The following MYH14 variants were observed in gnomAD, a reference collection of about 807,000 sequenced individuals.
MYH14 encodes myosin heavy chain 14.
MYH14 carries 123 observed loss-of-function variants against 255.5 expected under a neutral mutation model. That is an observed-to-expected ratio of 0.48 (90% CI 0.42 to 0.56). The LOEUF is 0.56. Among genes scored for constraint, MYH14 ranks in the 20% least tolerant of loss-of-function variants. The pLI, the probability that MYH14 is intolerant of heterozygous loss-of-function variation, is 0.00. For missense variants in MYH14, 2,423 were observed against 2,802.3 expected (o/e 0.86, Z 3.06); for synonymous variants, 1,095 against 1,161.2 (o/e 0.94, Z 1.16).
At position 50,286,468 on chromosome 19, in the gene MYH14, C is replaced by T; in HGVS notation, c.4540-14C>T. The T allele has an allele frequency of 6.2e-7, 1 of 1,608,552 alleles. No individual in the cohort carries two copies. Among genetic ancestry groups the T allele is most frequent in the Non-Finnish European group, 8.5e-7 (1 of 1,176,678 alleles). On this transcript the variant is annotated splice_polypyrimidine_tract_variant and intron_variant, in intron 33 of 42. Transcript: ENST00000642316. ...AATCTATTTCCCCCTACCCCATCTC[C>T]CTCAAACTGGAAGCTTCTGGCAGAG...
chr19:50,292,310 GGGA>G lies in MYH14; in HGVS notation c.5182_5184del (p.Glu1728del). 6.3e-7 allele frequency: 1 copy of G among 1,598,636 alleles called. No homozygotes were observed. Among genetic ancestry groups the G allele is most frequent in the Non-Finnish European group, 8.5e-7 (1 of 1,173,264 alleles). On this transcript the variant is annotated inframe_deletion, in exon 37 of 43. Coordinates refer to ENST00000642316, the MANE Select transcript of MYH14 (RefSeq NM_001145809.2). ...GAGGTGGAGGAGACACGCACCTCCC[GGGA>G]GGAGATCTTCTCCCAGAATCGGGAA...
intron 33 of MYH14, among the ~76,000 whole-genome samples, chr19:50,282,254 C>T (rs758154739): frequency 6.6e-6 from 1 of 152,196 alleles, no homozygotes; most frequent in Non-Finnish European, 1.5e-5. Context: ...TAATACCAAG[C>T]ATCTGGCAGC....
At chr19:50,209,835 T>C (rs1354145345) in intron 1 of MYH14, among the ~76,000 whole-genome samples, 1 of 141,486 alleles carries the variant, frequency 7.1e-6, no homozygotes, top group African/African-American at 2.6e-5. Flanking sequence ...TGGTAGCTCA[T>C]GCCTATAATC....
chr19:50,289,173 C>T (rs780016271), intron 34 of MYH14, among the ~76,000 whole-genome samples: 51 of 152,144 alleles, frequency 3.4e-4, no homozygotes, highest in Middle Eastern at 3.2e-3. Flanking sequence ...ACCTAACAGA[C>T]GCTTGTATTG....
chr19:50,230,728 C>A lies in MYH14; in HGVS notation c.973+105C>A. On this transcript the variant is annotated intron_variant, in intron 9 of 42. Transcript: ENST00000642316. This position sits in a 1 kb window ranked among gnomAD's most constrained non-coding sequence, Gnocchi z 4.7. ...AGCAAGAGTGGGGGGCTCTAATATC[C>A]GTCAAACACCGACTTCGCATGAGGC... 3 of 901,444 alleles carry A rather than the reference C, an allele frequency of 3.3e-6. No individual in the cohort carries two copies. The highest frequency in any genetic ancestry group is 5.1e-6 in the Non-Finnish European group (3 of 584,616). 55.8% of individuals were successfully genotyped at this position (901,444 alleles called of 1,614,324 possible). A position where few individuals can be genotyped will look rare whatever the true frequency, so the allele number is the denominator to read the frequency against.
intron 40 of MYH14, among the ~76,000 whole-genome samples, chr19:50,305,809 G>A (rs2036633604): frequency 6.6e-6 from 1 of 152,054 alleles, no homozygotes. Flanking sequence ...GCACACACCT[G>A]TAGTCCTAGC....
chr19:50,236,360 C>T (rs1339329069), intron 10 of MYH14, among the ~76,000 whole-genome samples: 1 of 151,184 alleles, frequency 6.6e-6, no homozygotes, highest in Non-Finnish European at 1.5e-5. Context: ...CGTGAATATC[C>T]TTGTAAACAG....
At chr19:50,218,485 C>A (rs1260171437) in intron 3 of MYH14, among the ~76,000 whole-genome samples, 1 of 151,830 alleles carries the variant, frequency 6.6e-6, no homozygotes, top group Non-Finnish European at 1.5e-5. Flanking sequence ...GTAGTCCCAG[C>A]TACTCGGGAG....
rs2033297766 is a variant in MYH14, at chr19:50,230,037, C to T, written c.875-488C>T. ...TCAAGCGATTCTCCTGCCTCAGCCT[C>T]CCAAGCAGCTGAGATTACAGGCACC... On this transcript the variant is annotated intron_variant, in intron 8 of 42. Coordinates refer to ENST00000642316, the MANE Select transcript of MYH14 (RefSeq NM_001145809.2). The surrounding 1 kb of genome is among the most constrained non-coding windows in gnomAD (Gnocchi z 4.7). 6.6e-6 allele frequency among the ~76,000 whole-genome samples: 1 copy of T among 152,152 alleles called. No homozygotes were observed. The highest frequency in any genetic ancestry group is 1.5e-5 in the Non-Finnish European group (1 of 68,026).
At chr19:50,300,148 G>A (rs925530713) in intron 39 of MYH14, among the ~76,000 whole-genome samples, 52 of 152,140 alleles carry the variant, frequency 3.4e-4, no homozygotes, top group African/African-American at 1.1e-3. Context: ...AGTAGTGCAT[G>A]AAAGGGCTTC....
chr19:50,260,728 G>C lies in MYH14; in HGVS notation c.2424+13G>C, dbSNP rs1367710897. 2 of 1,602,388 alleles carry C rather than the reference G, an allele frequency of 1.2e-6. No homozygotes were observed. Among genetic ancestry groups the C allele is most frequent in the Admixed American group, 3.4e-5 (2 of 58,528 alleles). ...CTGTGAAAAGATGGTGAGTGGGGCA[G>C]AGCCTGGAATGCGTGTGTGCGTGTG... is the stretch of plus-strand genomic sequence containing the variant. On this transcript the variant is annotated intron_variant, in intron 20 of 42. Coordinates refer to ENST00000642316, the MANE Select transcript of MYH14 (RefSeq NM_001145809.2).
At position 50,256,151 on chromosome 19, in the gene MYH14, C is replaced by T. The variant is rs372920846; in HGVS notation, c.2044+833C>T. Among the ~76,000 whole-genome samples, 13 of 151,922 alleles carry T rather than the reference C, an allele frequency of 8.6e-5. No individual in the cohort carries two copies. The South Asian group carries it at 1.9e-3, about 22-fold the overall frequency. ...AAAAATTGGTGGGCATGGTGGTGTGCGCCTGTAGTCCAAACTACTTGGGAG... is the reference window on the plus strand; with the variant it reads ...AAAAATTGGTGGGCATGGTGGTGTGTGCCTGTAGTCCAAACTACTTGGGAG... On this transcript the variant is annotated intron_variant, in intron 17 of 42. Coordinates refer to ENST00000642316, the MANE Select transcript of MYH14 (RefSeq NM_001145809.2).
In MYH14 at chr19:50,250,245, T is replaced by A. The variant is rs1363053711; in HGVS notation, c.1657-270T>A. 7.6e-6 allele frequency among the ~76,000 whole-genome samples: 1 copy of A among 132,076 alleles called. No homozygotes were observed. The highest frequency in any genetic ancestry group is 8.4e-5 in the Admixed American group (1 of 11,860). The allele number at this position is 132,076 out of a possible 152,430, so 86.6% of individuals were successfully genotyped here. A position where few individuals can be genotyped will look rare whatever the true frequency, so the allele number is the denominator to read the frequency against. ...CCTCCCGAGTAGCTGGGACTACAGG[T>A]GCCCGCCACCACGCCCGGCTAATTT... On this transcript the variant is annotated intron_variant, in intron 14 of 42. Transcript: ENST00000642316. The surrounding 1 kb of genome is among the most constrained non-coding windows in gnomAD (Gnocchi z 5.4).
At chr19:50,295,236 A>G (rs886579532) in intron 39 of MYH14, among the ~76,000 whole-genome samples, 2 of 151,830 alleles carry the variant, frequency 1.3e-5, no homozygotes, top group African/African-American at 4.8e-5. Flanking sequence ...GAGGCAGGAG[A>G]ATGGCATGAA....
At position 50,223,285 on chromosome 19, in the gene MYH14, A is replaced by C. The variant is rs1304387712; in HGVS notation, c.629A>C (p.Lys210Thr). The change falls in exon 5 of 43, where the codon AAG becomes ACG. Residue 210 changes from lysine to threonine, a missense_variant. Physicochemically the swap from Lys to Thr is moderately conservative, Grantham distance 78 (BLOSUM62 -1). Coordinates refer to ENST00000642316, the MANE Select transcript of MYH14 (RefSeq NM_001145809.2). ...SGAGKTENTK[K>T]VIQYLAHVAS... ...GCTGGGAAGACGGAAAACACCAAGA[A>C]GGTCATCCAGTACCTCGCCCACGTG... 1 of 1,609,362 alleles carries C rather than the reference A, an allele frequency of 6.2e-7. No individual in the cohort carries two copies.
In MYH14 at chr19:50,210,746, G is replaced by A. The variant is rs1037899945; in HGVS notation, c.381G>A (p.Glu127=). Residue 127 remains glutamate, a synonymous_variant, in exon 2 of 43, where the codon GAG becomes GAA. Coordinates refer to ENST00000642316, the MANE Select transcript of MYH14 (RefSeq NM_001145809.2). ...CCTCGGTCCTGCACAACCTCCGGGA[G>A]CGGTACTACTCCGGCCTCATCTACG... ...NEASVLHNLR[E]RYYSGLIYTY... 2.3e-5 allele frequency: 37 copies of A among 1,580,776 alleles called. No homozygotes were observed. The highest frequency in any genetic ancestry group is 2.8e-5 in the Non-Finnish European group (33 of 1,164,274).
At chr19:50,291,172 TCAG>T (rs2036063841) in intron 36 of MYH14, 124 bp downstream of exon 36, 4 of 797,618 alleles carry the variant, frequency 5.0e-6, no homozygotes, top group Non-Finnish European at 7.5e-6. Flanking sequence ...TCCGCATGGG[TCAG>T]CACCTTTATA....
chr19:50,241,083 T>G (rs2033872999), intron 10 of MYH14, among the ~76,000 whole-genome samples: 1 of 152,186 alleles, frequency 6.6e-6, no homozygotes, highest in Non-Finnish European at 1.5e-5. Context: ...CAAACTGTTC[T>G]AGAATGAATG....
chr19:50,308,721 G>A, intron 41 of MYH14: 1 of 391,700 alleles, frequency 2.6e-6, no homozygotes, highest in Non-Finnish European at 4.6e-6. Context: ...GGGGGTACTG[G>A]GGAGCCATGA....
Sources: gnomAD v4.1 joint callset for allele counts (sites outside exome capture counted in the v4.1 genomes callset) on GRCh38, gnomAD v4.1.1 for gene constraint, Gnocchi (gnomAD v3.1) non-coding constraint, MANE v1.5 for transcripts, NCBI Gene and HGNC (gene_info 2026-07-23, HGNC 2026-07-21) for gene names.